Variants in TNNI3K observed in about 807,000 individuals in gnomAD.
TNNI3K encodes the protein serine/threonine-protein kinase TNNI3K.
Under a neutral mutation model 114.5 loss-of-function variants are expected in TNNI3K, and 140 were observed. The ratio of observed to expected loss-of-function variants is 1.22; its 90% CI spans 1.07 to 1.41. The LOEUF (loss-of-function observed/expected upper bound fraction) is 1.41. Among genes scored for constraint, TNNI3K ranks in the 40% most tolerant of loss-of-function variants. The pLI is 0.00. For synonymous variants in TNNI3K, 347 were observed against 347.5 expected, an observed-to-expected ratio of 1.00 and a Z score of 0.02; for missense variants, 1,125 against 1,007.6, an observed-to-expected ratio of 1.12 and a Z score of -1.58.
chr1:74,409,172 C>T (rs1416678899), intron 17 of TNNI3K, among the ~76,000 whole-genome samples: 1 of 152,106 alleles, frequency 6.6e-6, no homozygotes, highest in Non-Finnish European at 1.5e-5. Context: ...CTTGAGGACA[C>T]TGAGGTTAAG....
intron 17 of TNNI3K, among the ~76,000 whole-genome samples, chr1:74,407,846 A>G (rs773656591): frequency 4.7e-4 from 71 of 152,136 alleles, no homozygotes; most frequent in Non-Finnish European, 9.6e-4. Flanking sequence ...TGATGCCTAG[A>G]TAATAATATA....
chr1:74,444,692 A>G (rs965214822), intron 20 of TNNI3K, among the ~76,000 whole-genome samples: 4 of 152,108 alleles, frequency 2.6e-5, no homozygotes, highest in African/African-American at 7.2e-5. Context: ...TTAAATTCAT[A>G]TGGAACCAAA....
At chr1:74,477,295 C>A (rs1397696905) in intron 21 of TNNI3K, among the ~76,000 whole-genome samples, 1 of 151,630 alleles carries the variant, frequency 6.6e-6, no homozygotes, top group East Asian at 1.9e-4. Context: ...TTTTTTTTCT[C>A]CTTTCACAAA....
In TNNI3K at chr1:74,250,718, A is replaced by G; in HGVS notation, c.282A>G (p.Pro94=). Residue 94 remains proline (P), a synonymous_variant, in exon 4 of 25, where the codon CCA becomes CCG. Transcript: ENST00000326637. ...CTCTTATGTTGAAAGGGCTCCGCCCATCTCGACTGACAAGAAATGGATTTA... is the reference window on the plus strand; with the variant it reads ...CTCTTATGTTGAAAGGGCTCCGCCCGTCTCGACTGACAAGAAATGGATTTA... ...IRTLMLKGLR[P]SRLTRNGFTA... 1 of 1,613,594 alleles carries G rather than the reference A, an allele frequency of 6.2e-7. No homozygotes were observed. Among genetic ancestry groups the G allele is most frequent in the Non-Finnish European group, 8.5e-7 (1 of 1,179,812 alleles).
At chr1:74,487,165 T>C (rs1203019377) in intron 21 of TNNI3K, among the ~76,000 whole-genome samples, 3 of 152,140 alleles carry the variant, frequency 2.0e-5, no homozygotes, top group East Asian at 3.9e-4. Context: ...AGTATGTCTG[T>C]ATGCTGGTGG....
At chr1:74,283,470 C>T (rs1657138288) in intron 5 of TNNI3K, among the ~76,000 whole-genome samples, 1 of 152,164 alleles carries the variant, frequency 6.6e-6, no homozygotes, top group African/African-American at 2.4e-5. Context: ...AGGTCTTTGG[C>T]ATAGACTCTG....
chr1:74,527,401 T>C (rs963628742), intron 23 of TNNI3K, among the ~76,000 whole-genome samples: 5 of 152,098 alleles, frequency 3.3e-5, no homozygotes, highest in Non-Finnish European at 7.4e-5. Flanking sequence ...CAAGGCATAG[T>C]AGAAAATAGG....
chr1:74,427,958 G>A (rs796877551), intron 17 of TNNI3K, among the ~76,000 whole-genome samples: 10 of 149,494 alleles, frequency 6.7e-5, no homozygotes, highest in African/African-American at 4.9e-5. Flanking sequence ...TTTTTTTCAC[G>A]TTACCCTCAA....
intron 21 of TNNI3K, among the ~76,000 whole-genome samples, chr1:74,486,984 G>T (rs552277016): frequency 1.2e-4 from 19 of 152,226 alleles, no homozygotes; most frequent in Non-Finnish European, 2.4e-4. Context: ...AGTGTTGTAG[G>T]AGAAAGCTTG....
rs190776728 is a variant in TNNI3K, at chr1:74,305,588, G to A, written c.445-25862G>A. 3.3e-4 allele frequency among the ~76,000 whole-genome samples: 51 copies of A among 152,284 alleles called. No individual in the cohort carries two copies. The East Asian group carries it at 5.6e-3, about 17-fold the overall frequency. On this transcript the variant is annotated intron_variant, in intron 5 of 24. Transcript: ENST00000326637. ...GCACATGACTTTGAGCAAGGCAGCC[G>A]TCTTCAGCCAAGGCAAATCCCCAGA...
intron 17 of TNNI3K, among the ~76,000 whole-genome samples, chr1:74,381,865 C>T (rs1663220219): frequency 6.6e-6 from 1 of 152,198 alleles, no homozygotes; most frequent in African/African-American, 2.4e-5. Flanking sequence ...TCCACTTAGA[C>T]ATTCAACCAT....
chr1:74,302,979 GC>G (rs1320038623), intron 5 of TNNI3K, among the ~76,000 whole-genome samples: 1 of 152,182 alleles, frequency 6.6e-6, no homozygotes, highest in East Asian at 1.9e-4. Context: ...AGCAGTCAAT[GC>G]CTGGATTCAA....
At chr1:74,333,115 C>T (rs1244051357) in intron 6 of TNNI3K, among the ~76,000 whole-genome samples, 1 of 152,056 alleles carries the variant, frequency 6.6e-6, no homozygotes, top group East Asian at 1.9e-4. Flanking sequence ...TTTTACCTTC[C>T]TGGAGGTCAT....
intron 17 of TNNI3K, among the ~76,000 whole-genome samples, chr1:74,394,722 T>C (rs1338763632): frequency 4.6e-5 from 7 of 152,188 alleles, no homozygotes; most frequent in Non-Finnish European, 8.8e-5. Flanking sequence ...TATTGTGGGC[T>C]GCAACAAAAT....
At chr1:74,338,923 TC>T (rs1290865311) in intron 7 of TNNI3K, among the ~76,000 whole-genome samples, 1 of 152,158 alleles carries the variant, frequency 6.6e-6, no homozygotes, top group Non-Finnish European at 1.5e-5. Flanking sequence ...GCAGTCTGTT[TC>T]ATTTTGTTAG....
chr1:74,250,831 CTTTTTT>C, intron 4 of TNNI3K, 62 bp downstream of exon 4: 3 of 959,730 alleles, frequency 3.1e-6, no homozygotes, highest in African/African-American at 3.7e-5. Flanking sequence ...TATCTTTAGG[CTTTTTT>C]TTTTTTTTTT....
At chr1:74,273,043 A>G (rs1656449672) in intron 5 of TNNI3K, among the ~76,000 whole-genome samples, 1 of 151,928 alleles carries the variant, frequency 6.6e-6, no homozygotes, top group Non-Finnish European at 1.5e-5. Flanking sequence ...TACCTTCTTC[A>G]CTAATACACA....
chr1:74,339,998 C>T (rs1416366785), intron 7 of TNNI3K, among the ~76,000 whole-genome samples: 1 of 151,976 alleles, frequency 6.6e-6, no homozygotes, highest in African/African-American at 2.4e-5. Flanking sequence ...AGAACATGTC[C>T]AGCCATAGGA....
intron 23 of TNNI3K, among the ~76,000 whole-genome samples, chr1:74,532,944 C>A (rs1250523378): frequency 1.3e-5 from 2 of 152,148 alleles, no homozygotes; most frequent in East Asian, 1.9e-4. Context: ...AAACGCTAGA[C>A]CTAAAACCAT....
Sources: allele counts gnomAD v4.1 joint callset (sites outside exome capture counted in the v4.1 genomes callset), GRCh38; gene constraint gnomAD v4.1.1; transcripts MANE v1.5; gene names NCBI Gene and HGNC (gene_info 2026-07-23, HGNC 2026-07-21).